The following ZNF704 variants were observed in gnomAD, a reference collection of about 807,000 sequenced individuals.
ZNF704 encodes glucocorticoid induced gene 1.
ZNF704 carries 10 observed loss-of-function variants against 44.7 expected under a neutral mutation model. That is an observed-to-expected ratio of 0.22 (90% CI 0.14 to 0.38). ZNF704 has a LOEUF of 0.38. Ranked by LOEUF, ZNF704 falls within the 10% of genes least tolerant of loss-of-function variation. The pLI is 1.00. For synonymous variants in ZNF704, 211 were observed against 207.6 expected, an observed-to-expected ratio of 1.02 and a Z score of -0.14; for missense variants, 390 against 545.5, an observed-to-expected ratio of 0.71 and a Z score of 2.84.
At chr8:80,757,162 A>G (rs953053093) in intron 2 of ZNF704, among the ~76,000 whole-genome samples, 1 of 152,168 alleles carries the variant, frequency 6.6e-6, no homozygotes, top group Non-Finnish European at 1.5e-5. Context: ...ATTTCAGAAG[A>G]AGGCATTGTT....
Position 80,664,838 on chromosome 8 carries a change from C to A in ZNF704, c.904G>T (p.Val302Leu). The change falls in exon 6 of 9, where the codon GTG (valine) becomes TTG (leucine). Residue 302 changes from valine (V) to leucine (L), a missense_variant. Transcript: ENST00000327835. ...SRSAPTTLYL[V>L]HTDHAYQATP... ...ACCTGGTAAGCATGGTCAGTGTGCA[C>A]GAGGTAGAGGGTGGTGGGAGCTGAG... 1 of 1,614,144 alleles carries A rather than the reference C, an allele frequency of 6.2e-7. No homozygotes were observed. Among genetic ancestry groups the A allele is most frequent in the Non-Finnish European group, 8.5e-7 (1 of 1,180,032 alleles).
At chr8:80,825,831 GT>G (rs1213420913) in intron 1 of ZNF704, among the ~76,000 whole-genome samples, 12 of 152,138 alleles carry the variant, frequency 7.9e-5, no homozygotes, top group African/African-American at 2.9e-4. Flanking sequence ...TGACTACTGG[GT>G]ACATCACGAA....
At chr8:80,651,908 T>G (rs1268897953) in intron 7 of ZNF704, among the ~76,000 whole-genome samples, 5 of 151,914 alleles carry the variant, frequency 3.3e-5, no homozygotes, top group African/African-American at 1.2e-4. Flanking sequence ...ATTGACCACA[T>G]AGTTGGAAGT....
At chr8:80,807,901 C>G (rs1293123870) in intron 2 of ZNF704, among the ~76,000 whole-genome samples, 2 of 152,188 alleles carry the variant, frequency 1.3e-5, no homozygotes, top group African/African-American at 4.8e-5. Flanking sequence ...AAGCATCTTT[C>G]TAGTTTTGAA....
chr8:80,777,802 C>A (rs536725330), intron 2 of ZNF704, among the ~76,000 whole-genome samples: 18 of 151,918 alleles, frequency 1.2e-4, no homozygotes, highest in Admixed American at 7.2e-4. Flanking sequence ...TTGCTTGAAC[C>A]CAGGAGGCAG....
At chr8:80,666,070 C>G (rs1012727452) in intron 5 of ZNF704, among the ~76,000 whole-genome samples, 1 of 151,602 alleles carries the variant, frequency 6.6e-6, no homozygotes, top group Non-Finnish European at 1.5e-5. Context: ...CCCACTAACT[C>G]GTCATCTAGC....
intron 2 of ZNF704, among the ~76,000 whole-genome samples, chr8:80,741,845 G>A (rs953909231): frequency 6.6e-6 from 1 of 152,194 alleles, no homozygotes; most frequent in Non-Finnish European, 1.5e-5. Flanking sequence ...GGAGTATGCA[G>A]TGGTCAGTGA....
intron 2 of ZNF704, among the ~76,000 whole-genome samples, chr8:80,783,055 TA>T (rs1371315964): frequency 6.6e-6 from 1 of 152,008 alleles, no homozygotes; most frequent in Non-Finnish European, 1.5e-5. Context: ...AATCAAAGCA[TA>T]ATGGGTCAGG....
chr8:80,870,225 A>AAACTAAT (rs1191338169), intron 1 of ZNF704, among the ~76,000 whole-genome samples: 1 of 152,230 alleles, frequency 6.6e-6, no homozygotes, highest in Admixed American at 6.5e-5. Context: ...CTACAATAGA[A>AAACTAAT]AACTAATAAC....
intron 2 of ZNF704, among the ~76,000 whole-genome samples, chr8:80,761,017 A>C (rs1207659658): frequency 1.3e-5 from 2 of 152,126 alleles, no homozygotes; most frequent in East Asian, 1.9e-4. Flanking sequence ...ACCTCCCACC[A>C]GGCCCCACCT....
intron 2 of ZNF704, among the ~76,000 whole-genome samples, chr8:80,751,864 C>T (rs1053363618): frequency 3.3e-5 from 5 of 152,156 alleles, no homozygotes; most frequent in Non-Finnish European, 5.9e-5. Flanking sequence ...TCTCAGCCTC[C>T]CAAGTAGCTG....
intron 2 of ZNF704, among the ~76,000 whole-genome samples, chr8:80,773,259 T>C (rs1801707500): frequency 1.3e-5 from 2 of 152,208 alleles, no homozygotes; most frequent in African/African-American, 4.8e-5. Flanking sequence ...CTTTTATTTA[T>C]GTACAGTGTT....
At chr8:80,854,293 T>A (rs1380156183) in intron 1 of ZNF704, among the ~76,000 whole-genome samples, 1 of 152,340 alleles carries the variant, frequency 6.6e-6, no homozygotes, top group African/African-American at 2.4e-5. Context: ...TCTAGTGATA[T>A]GTTCCAGTTC....
intron 2 of ZNF704, among the ~76,000 whole-genome samples, chr8:80,808,848 C>G (rs1808036465): frequency 6.6e-6 from 1 of 152,192 alleles, no homozygotes; most frequent in Non-Finnish European, 1.5e-5. Context: ...TTCACAGTCA[C>G]CAGTGTTCAA....
At chr8:80,690,846 TA>T (rs1286976067) in intron 3 of ZNF704, among the ~76,000 whole-genome samples, 1 of 152,100 alleles carries the variant, frequency 6.6e-6, no homozygotes, top group Non-Finnish European at 1.5e-5. Flanking sequence ...CTGTCTCTAC[TA>T]AAAATACAAA....
intron 2 of ZNF704, among the ~76,000 whole-genome samples, chr8:80,768,404 T>C (rs916491001): frequency 1.3e-5 from 2 of 152,306 alleles, no homozygotes; most frequent in Middle Eastern, 3.4e-3. Flanking sequence ...AGTTGGACAC[T>C]GGCAAGTTAC....
At chr8:80,771,679 C>T (rs1807322741) in intron 2 of ZNF704, among the ~76,000 whole-genome samples, 1 of 152,012 alleles carries the variant, frequency 6.6e-6, no homozygotes, top group Non-Finnish European at 1.5e-5. Flanking sequence ...CCTTTCCAGT[C>T]TGTATGTCTT....
chr8:80,849,266 T>C (rs1215423778), intron 1 of ZNF704, among the ~76,000 whole-genome samples: 1 of 152,220 alleles, frequency 6.6e-6, no homozygotes, highest in East Asian at 1.9e-4. Flanking sequence ...CTTATCCAGA[T>C]GCACAGACTT....
chr8:80,828,808 T>A (rs1033268908), intron 1 of ZNF704, among the ~76,000 whole-genome samples: 3 of 152,214 alleles, frequency 2.0e-5, no homozygotes, highest in African/African-American at 7.2e-5. Flanking sequence ...AATACATGCA[T>A]GCTGAAGTCA....
Sources: allele counts gnomAD v4.1 joint callset (sites outside exome capture counted in the v4.1 genomes callset), GRCh38; gene constraint gnomAD v4.1.1; transcripts MANE v1.5; gene names NCBI Gene and HGNC (gene_info 2026-07-23, HGNC 2026-07-21).